The following EYA1 variants were observed in gnomAD, a reference collection of about 807,000 sequenced individuals.
The protein encoded by EYA1 is protein phosphatase EYA1.
A neutral mutation model predicts 82.0 loss-of-function variants in EYA1; 16 were observed. That is an observed-to-expected ratio of 0.20 (90% CI 0.13 to 0.30). The LOEUF (loss-of-function observed/expected upper bound fraction) is 0.30. EYA1 is among the 10% of genes least tolerant of loss of function. The pLI is 1.00. For synonymous variants in EYA1, 261 were observed against 264.4 expected, an observed-to-expected ratio of 0.99 and a Z score of 0.12; for missense variants, 633 against 730.7, an observed-to-expected ratio of 0.87 and a Z score of 1.54.
chr8:71,308,576 A>G (rs1820979834), intron 7 of EYA1, among the ~76,000 whole-genome samples: 1 of 152,158 alleles, frequency 6.6e-6, no homozygotes, highest in Non-Finnish European at 1.5e-5. Flanking sequence ...CTCTTAATAC[A>G]TCTTCACTAC....
intron 12 of EYA1, among the ~76,000 whole-genome samples, chr8:71,232,152 A>G (rs890831495): frequency 2.6e-5 from 4 of 152,188 alleles, no homozygotes; most frequent in African/African-American, 4.8e-5. Flanking sequence ...TCAATTTCCC[A>G]CATGTGTAAA....
intron 2 of EYA1, among the ~76,000 whole-genome samples, chr8:71,475,787 CG>C (rs1809615623): frequency 6.6e-6 from 1 of 152,074 alleles, no homozygotes; most frequent in African/African-American, 2.4e-5. Context: ...CTATAATTTT[CG>C]TTTGTTTATT....
chr8:71,454,157 A>G (rs1293372216), intron 2 of EYA1, among the ~76,000 whole-genome samples: 2 of 152,218 alleles, frequency 1.3e-5, no homozygotes, highest in Non-Finnish European at 2.9e-5. Context: ...ACCAACAAAG[A>G]TCAAAAGAGA....
chr8:71,244,565 C>T, intron 12 of EYA1, 38 bp downstream of exon 12: 1 of 1,054,906 alleles, frequency 9.5e-7, no homozygotes, highest in Non-Finnish European at 1.5e-6. Context: ...CACCTATTTT[C>T]AGACATGCAA....
intron 2 of EYA1, among the ~76,000 whole-genome samples, chr8:71,469,753 A>G (rs956696301): frequency 6.6e-6 from 1 of 152,028 alleles, no homozygotes; most frequent in Admixed American, 6.6e-5. Flanking sequence ...CGTGTCTATC[A>G]TATCAGTGCC....
intron 9 of EYA1, among the ~76,000 whole-genome samples, chr8:71,285,539 A>G (rs1471520363): frequency 6.6e-6 from 1 of 152,246 alleles, no homozygotes; most frequent in Non-Finnish European, 1.5e-5. Context: ...GAAATAGCTG[A>G]ACTGAAACGA....
intron 4 of EYA1, chr8:71,323,893 T>C (rs1822862970): frequency 6.6e-6 from 1 of 152,274 alleles, no homozygotes; most frequent in South Asian, 2.1e-4. Flanking sequence ...CCAGGTCATC[T>C]GCAACTAAAA....
At chr8:71,293,779 G>A (rs1819265477) in intron 9 of EYA1, among the ~76,000 whole-genome samples, 1 of 140,692 alleles carries the variant, frequency 7.1e-6, no homozygotes, top group Non-Finnish European at 1.6e-5. Flanking sequence ...AAAGGGGAGA[G>A]AGCTTCCTAA....
At chr8:71,206,844 C>T (rs2128820455) in intron 17 of EYA1, among the ~76,000 whole-genome samples, 1 of 152,234 alleles carries the variant, frequency 6.6e-6, no homozygotes, top group East Asian at 1.9e-4. Context: ...CAGTCTTGAC[C>T]TCCTGGGCTC....
At chr8:71,373,878 C>T (rs1304418646) in intron 2 of EYA1, among the ~76,000 whole-genome samples, 1 of 151,960 alleles carries the variant, frequency 6.6e-6, no homozygotes, top group Non-Finnish European at 1.5e-5. Context: ...ACCAATAAGA[C>T]CAATAAGGAA....
intron 12 of EYA1, among the ~76,000 whole-genome samples, chr8:71,243,233 A>G (rs1392574569): frequency 6.6e-6 from 1 of 152,232 alleles, no homozygotes; most frequent in Non-Finnish European, 1.5e-5. Context: ...ATCTTTAGAA[A>G]CAAATGGAAA....
chr8:71,322,216 T>C lies in EYA1; in HGVS notation c.255A>G (p.Pro85=), dbSNP rs61753262. 10 of 1,613,786 alleles carry C rather than the reference T, an allele frequency of 6.2e-6. No homozygotes were observed. The highest frequency in any genetic ancestry group is 8.5e-6 in the Non-Finnish European group (10 of 1,179,682). ...SPRPTHQFSP[P]QIYPSNRPYP... Reference sequence around the variant, plus strand: ...CATCTTACTTGGAAGGGTAAATCTGTGGTGGAGAGAACTGGTGAGTTGGTC... The same window carrying C: ...CATCTTACTTGGAAGGGTAAATCTGCGGTGGAGAGAACTGGTGAGTTGGTC... Residue 85 remains proline, a synonymous_variant, in exon 5 of 18, where the codon CCA becomes CCG. Coordinates refer to ENST00000340726, the MANE Select transcript of EYA1 (RefSeq NM_000503.6).
intron 2 of EYA1, among the ~76,000 whole-genome samples, chr8:71,449,412 C>A (rs998401948): frequency 6.6e-6 from 1 of 152,186 alleles, no homozygotes. Context: ...TACATCTCCA[C>A]CAGAGCTCTT....
At chr8:71,500,697 A>G (rs6472590) in intron 2 of EYA1, among the ~76,000 whole-genome samples, 103,612 of 151,980 alleles carry the variant, frequency 0.68, 37,344 homozygotes, top group East Asian at 0.92. Context: ...TTCCAAATGA[A>G]AGGAAATTAC....
chr8:71,498,382 T>G (rs937541593), intron 2 of EYA1, among the ~76,000 whole-genome samples: 2 of 152,224 alleles, frequency 1.3e-5, no homozygotes, highest in African/African-American at 4.8e-5. Flanking sequence ...CACATTAGTC[T>G]CTTGCCATGA....
intron 2 of EYA1, among the ~76,000 whole-genome samples, chr8:71,403,234 C>T (rs1211277883): frequency 2.0e-5 from 3 of 152,156 alleles, no homozygotes; most frequent in Non-Finnish European, 4.4e-5. Flanking sequence ...CAATCCAATA[C>T]AAAATTGTTC....
At chr8:71,222,925 T>C (rs1289830550) in intron 12 of EYA1, among the ~76,000 whole-genome samples, 1 of 152,134 alleles carries the variant, frequency 6.6e-6, no homozygotes, top group Non-Finnish European at 1.5e-5. Context: ...TGCCCCACTC[T>C]GACCTGTGCT....
intron 11 of EYA1, among the ~76,000 whole-genome samples, chr8:71,259,140 AC>A (rs1401164018): frequency 6.6e-6 from 1 of 152,172 alleles, no homozygotes; most frequent in African/African-American, 2.4e-5. Context: ...CCCTACAACA[AC>A]AAAATACCTT....
intron 3 of EYA1, among the ~76,000 whole-genome samples, chr8:71,344,325 C>T (rs550893854): frequency 4.6e-5 from 7 of 152,172 alleles, no homozygotes; most frequent in Admixed American, 2.6e-4. Context: ...AGCAATACAA[C>T]GTTCTCAATT....
Sources: allele counts gnomAD v4.1 joint callset (sites outside exome capture counted in the v4.1 genomes callset), GRCh38; gene constraint gnomAD v4.1.1; transcripts MANE v1.5; gene names NCBI Gene and HGNC (gene_info 2026-07-23, HGNC 2026-07-21).